The following HADHB variants were observed in gnomAD, a reference collection of about 807,000 sequenced individuals.
HADHB encodes the protein trifunctional enzyme subunit beta, mitochondrial.
HADHB carries 50 observed loss-of-function variants against 61.9 expected under a neutral mutation model. That is an observed-to-expected ratio of 0.81 (90% CI 0.64 to 1.02). The LOEUF is 1.02. HADHB is among the 50% of genes least tolerant of loss of function. The pLI is 0.00. For synonymous variants in HADHB, 191 were observed against 201.6 expected (o/e 0.95, Z 0.45); for missense variants, 504 against 586.5 (o/e 0.86, Z 1.45).
chr2:26,280,301 C>G (rs962857434), intron 10 of HADHB, among the ~76,000 whole-genome samples, 186 bp downstream of exon 10: 2 of 151,940 alleles, frequency 1.3e-5, no homozygotes, highest in Non-Finnish European at 2.9e-5. Context: ...CGAGAAGTCA[C>G]CTAATCCAGC....
chr2:26,256,148 TCC>T (rs1671598459), intron 3 of HADHB, among the ~76,000 whole-genome samples: 1 of 152,228 alleles, frequency 6.6e-6, no homozygotes, highest in Admixed American at 6.5e-5. Flanking sequence ...TATAACAGTG[TCC>T]CACAAGTAAC....
chr2:26,273,509 T>C (rs1672428471), intron 5 of HADHB, 142 bp from the exon 6 acceptor site: 3 of 668,046 alleles, frequency 4.5e-6, no homozygotes, highest in Non-Finnish European at 5.5e-6. Context: ...GCCAAATGCT[T>C]GTCAAATTAA....
chr2:26,288,564 C>T (rs1021572407), intron 15 of HADHB, among the ~76,000 whole-genome samples: 3 of 151,810 alleles, frequency 2.0e-5, no homozygotes, highest in Non-Finnish European at 2.9e-5. Flanking sequence ...CAAAAACTAG[C>T]TGGGCGTGGT....
At chr2:26,284,443 C>G (rs1027046083) in intron 13 of HADHB, among the ~76,000 whole-genome samples, 4 of 150,478 alleles carry the variant, frequency 2.7e-5, no homozygotes, top group African/African-American at 9.8e-5. Context: ...AAAACTGATA[C>G]AAAGATTTGT....
At chr2:26,289,841 C>A in intron 15 of HADHB, 77 bp from the exon 16 acceptor site, 1 of 985,130 alleles carries the variant, frequency 1.0e-6, no homozygotes, top group Admixed American at 1.7e-5. Flanking sequence ...GTACTTTTCT[C>A]CTTGTTCTCT....
At chr2:26,258,789 G>A (rs1389832446) in intron 3 of HADHB, among the ~76,000 whole-genome samples, 1 of 152,176 alleles carries the variant, frequency 6.6e-6, no homozygotes, top group Non-Finnish European at 1.5e-5. Context: ...AATCATTGTC[G>A]CTCCCCCTGT....
In HADHB at chr2:26,284,153, A is replaced by T. The variant is rs748353295; in HGVS notation, c.1098A>T (p.Ala366=). 20 of 1,601,724 alleles carry T rather than the reference A, an allele frequency of 1.2e-5. No homozygotes were observed. The highest frequency in any genetic ancestry group is 1.7e-5 in the Non-Finnish European group (20 of 1,168,894). ...TYATPKVLEK[A]GLTMNDIDAF... ...CTACTCCAAAAGTTCTAGAAAAGGC[A>T]GGATTGACCATGAATGATATTGATG... The change falls in exon 13 of 16, where the codon GCA becomes GCT. Residue 366 remains alanine (A), a synonymous_variant. Transcript: ENST00000317799.
chr2:26,280,259 TA>T (rs57205063), intron 10 of HADHB, 144 bp downstream of exon 10: 4,922 of 585,020 alleles, frequency 8.4e-3, no homozygotes, highest in South Asian at 0.01. Context: ...GTGGAGTCAT[TA>T]AAAAAAAAAT....
At chr2:26,245,434 A>G (rs1232985753) in intron 1 of HADHB, 1 of 152,052 alleles carries the variant, frequency 6.6e-6, no homozygotes, top group Non-Finnish European at 1.5e-5. Flanking sequence ...TGTAAAGAAT[A>G]AGACTAGGTC....
intron 1 of HADHB, among the ~76,000 whole-genome samples, chr2:26,246,814 A>T (rs1300839025): frequency 6.6e-6 from 1 of 152,148 alleles, no homozygotes; most frequent in Non-Finnish European, 1.5e-5. Flanking sequence ...TTGATCCCTA[A>T]GCACTTTAGT....
chr2:26,261,216 C>T (rs376229751), intron 3 of HADHB: 5 of 473,520 alleles, frequency 1.1e-5, no homozygotes, highest in East Asian at 3.1e-5. Flanking sequence ...ACAAATACCC[C>T]CCCCCCATCC....
intron 1 of HADHB, among the ~76,000 whole-genome samples, chr2:26,251,087 G>A (rs1220633973): frequency 8.5e-6 from 1 of 116,970 alleles, no homozygotes; most frequent in East Asian, 2.4e-4. Flanking sequence ...TTACATACAT[G>A]GGTCTGCTTC....
At position 26,279,258 on chromosome 2, in the gene HADHB, G is replaced by A. The variant is rs770044899; in HGVS notation, c.754G>A (p.Ala252Thr). The part of the protein sequence containing the change: ...DEYALRSHSL[A>T]KKAQDEGLLS... ...ATATGCACTGCGCTCTCACAGTCTAGCCAAGAAGGCACAGGATGAAGGACT... is the reference window on the plus strand; with the variant it reads ...ATATGCACTGCGCTCTCACAGTCTAACCAAGAAGGCACAGGATGAAGGACT... The change falls in exon 9 of 16, where the codon GCC (alanine) becomes ACC (threonine). Residue 252 changes from alanine (A) to threonine (T), a missense_variant. Transcript: ENST00000317799. 1 of 1,613,558 alleles carries A rather than the reference G, an allele frequency of 6.2e-7. No individual in the cohort carries two copies.
chr2:26,287,879 A>G (rs1673102714), intron 15 of HADHB, among the ~76,000 whole-genome samples: 1 of 152,192 alleles, frequency 6.6e-6, no homozygotes, highest in African/African-American at 2.4e-5. Context: ...CCCCAGGTAC[A>G]CACGGTTGGT....
chr2:26,257,864 A>G (rs1259732858), intron 3 of HADHB, among the ~76,000 whole-genome samples: 1 of 151,850 alleles, frequency 6.6e-6, no homozygotes. Flanking sequence ...CTAAAAATAC[A>G]AAAAATTAGC....
At chr2:26,285,757 T>TTTTTTTTTTTTTTTTTTTTTTTTTA (rs10673554) in intron 15 of HADHB, among the ~76,000 whole-genome samples, 186 bp downstream of exon 15, 2 of 142,188 alleles carry the variant, frequency 1.4e-5, no homozygotes, top group East Asian at 1.9e-4. Flanking sequence ...TTTTTTTTTT[T>TTTTTTTTTTTTTTTTTTTTTTTTTA]GAGACAGTCT....
chr2:26,260,672 G>A (rs1162261830), intron 3 of HADHB: 1 of 269,736 alleles, frequency 3.7e-6, no homozygotes, highest in African/African-American at 2.2e-5. Context: ...CAAAGCTAAG[G>A]GTTTTTTGGT....
rs1013686058 is a variant in HADHB at position 26,290,279 on chromosome 2, G to A, written c.*326G>A. 1.8e-5 allele frequency: 7 copies of A among 379,042 alleles called. No individual in the cohort carries two copies. The Admixed American group carries it at 2.9e-4, about 16-fold the overall frequency. 23.5% of individuals were successfully genotyped at this position (379,042 alleles called of 1,614,324 possible). A position where few individuals can be genotyped will look rare whatever the true frequency, so the allele number is the denominator to read the frequency against. On this transcript the variant is annotated 3_prime_UTR_variant, in exon 16 of 16. Coordinates refer to ENST00000317799, the MANE Select transcript of HADHB (RefSeq NM_000183.3). ...CAACTGAGATTTGGAAATCATCTTT[G>A]TAATATTTGCAAATTATACTTGTTC... is the stretch of plus-strand genomic sequence containing the variant.
At chr2:26,283,849 G>C (rs1574668241) in intron 12 of HADHB, among the ~76,000 whole-genome samples, 1 of 152,222 alleles carries the variant, frequency 6.6e-6, no homozygotes, top group East Asian at 1.9e-4. Context: ...TTTGAACTCT[G>C]TTCTTCCAGT....
Sources: allele counts gnomAD v4.1 joint callset (sites outside exome capture counted in the v4.1 genomes callset), GRCh38; gene constraint gnomAD v4.1.1; transcripts MANE v1.5; gene names NCBI Gene and HGNC (gene_info 2026-07-23, HGNC 2026-07-21).